The following SVIL variants were observed in gnomAD, a reference collection of about 807,000 sequenced individuals.
The protein encoded by SVIL is archvillin.
Under a neutral mutation model 240.4 loss-of-function variants are expected in SVIL, and 101 were observed. The ratio of observed to expected loss-of-function variants is 0.42; its 90% CI spans 0.36 to 0.50. SVIL has a LOEUF of 0.50. Ranked by LOEUF, SVIL falls within the 20% of genes least tolerant of loss-of-function variation. The probability of loss-of-function intolerance (pLI) is 0.01; values close to 1 mark genes in which losing one functional copy is unlikely to be tolerated. For missense variants in SVIL, 2,512 were observed against 2,818.7 expected, an observed-to-expected ratio of 0.89 and a Z score of 2.46; for synonymous variants, 999 against 1,100.0, an observed-to-expected ratio of 0.91 and a Z score of 1.82.
At chr10:29,699,666 G>C (rs1314201992) in intron 1 of SVIL, among the ~76,000 whole-genome samples, 1 of 152,146 alleles carries the variant, frequency 6.6e-6, no homozygotes, top group Non-Finnish European at 1.5e-5. Flanking sequence ...TCACAAAGAC[G>C]TTTTGCTTTT....
intron 1 of SVIL, among the ~76,000 whole-genome samples, chr10:29,589,383 G>A (rs1280709866): frequency 2.6e-5 from 4 of 152,208 alleles, no homozygotes; most frequent in East Asian, 1.9e-4. Context: ...GGAGGAGAGC[G>A]GCTCTGGGCC....
At chr10:29,526,291 C>A (rs1249643927) in intron 13 of SVIL, among the ~76,000 whole-genome samples, 1 of 143,224 alleles carries the variant, frequency 7.0e-6, no homozygotes, top group East Asian at 2.0e-4. Flanking sequence ...TTTTTTCTTT[C>A]TTTTTTTCTC....
chr10:29,461,325 C>A (rs957316042), intron 36 of SVIL, among the ~76,000 whole-genome samples: 3 of 152,228 alleles, frequency 2.0e-5, no homozygotes, highest in East Asian at 3.9e-4. Context: ...CATCTCGTTC[C>A]GGCTGCGGCA....
intron 1 of SVIL, among the ~76,000 whole-genome samples, chr10:29,606,321 A>G (rs1202920613): frequency 6.6e-6 from 1 of 152,230 alleles, no homozygotes; most frequent in Non-Finnish European, 1.5e-5. Flanking sequence ...CTGGGATTAC[A>G]GACACTGGCC....
At chr10:29,640,000 C>T (rs1958433327) in intron 3 of SVIL, among the ~76,000 whole-genome samples, 1 of 152,164 alleles carries the variant, frequency 6.6e-6, no homozygotes, top group African/African-American at 2.4e-5. Context: ...CTTTTCAGTT[C>T]GTTGACGAGG....
intron 1 of SVIL, among the ~76,000 whole-genome samples, chr10:29,691,373 G>T (rs11816332): frequency 6.6e-6 from 1 of 151,784 alleles, no homozygotes; most frequent in East Asian, 1.9e-4. Context: ...CACCACGCCC[G>T]GCTAATTTTT....
At chr10:29,637,381 G>A (rs570842414), upstream of SVIL, among the ~76,000 whole-genome samples, 3 of 152,078 alleles carry the variant, frequency 2.0e-5, no homozygotes, top group Non-Finnish European at 4.4e-5. Flanking sequence ...CAGTTACTAG[G>A]GAGGCTAAGG....
In SVIL at chr10:29,707,544, A is replaced by AT. The variant is rs1367504844; in HGVS notation, c.-399-20894dup. Among the ~76,000 whole-genome samples the AT allele has an allele frequency of 3.9e-5, 6 of 152,278 alleles. No individual in the cohort carries two copies. The East Asian group carries it at 1.2e-3, about 29-fold the overall frequency. On this transcript the variant is annotated intron_variant, in intron 1 of 35. Coordinates refer to the SVIL transcript ENST00000375400. ...TGCCATTAATTTGCCCTTAAACCAA[A>AT]TTTCTATTAATTCCTACATCTGCTT...
Position 29,458,044 on chromosome 10 carries a change from G to A in SVIL, c.*203C>T. The stretch of plus-strand genomic sequence containing the variant: ...TAATTCTGATAACCTCCTGAATGGT[G>A]GAAAGAAGTTTCCAAACAGTTCCCT... On this transcript the variant is annotated 3_prime_UTR_variant, in exon 38 of 38. Coordinates refer to ENST00000355867, the MANE Select transcript of SVIL (RefSeq NM_021738.3). 1 of 558,568 alleles carries A rather than the reference G, an allele frequency of 1.8e-6. No individual in the cohort carries two copies. Among genetic ancestry groups the A allele is most frequent in the South Asian group, 2.6e-5 (1 of 38,320 alleles). The allele number at this position is 558,568 out of a possible 1,614,324, so 34.6% of individuals were successfully genotyped here. A position where few individuals can be genotyped will look rare whatever the true frequency, so the allele number is the denominator to read the frequency against.
At chr10:29,463,344 G>T in intron 35 of SVIL, 148 bp downstream of exon 35, 1 of 1,048,070 alleles carries the variant, frequency 9.5e-7, no homozygotes, top group Non-Finnish European at 1.3e-6. Flanking sequence ...AGTTAAAGGG[G>T]AAAAAATTGG....
At chr10:29,619,930 T>C (rs1957568985) in intron 1 of SVIL, among the ~76,000 whole-genome samples, 1 of 152,218 alleles carries the variant, frequency 6.6e-6, no homozygotes, top group African/African-American at 2.4e-5. Context: ...CACATACATG[T>C]ATAATACATA....
intron 1 of SVIL, among the ~76,000 whole-genome samples, chr10:29,690,392 G>A (rs79137914): frequency 0.015 from 2,307 of 151,958 alleles, 43 homozygotes; most frequent in East Asian, 0.095. Context: ...ACCTTAAATG[G>A]CCTTTTTTCT....
At chr10:29,634,137 G>A (rs1476681178) in intron 1 of SVIL, among the ~76,000 whole-genome samples, 2 of 151,452 alleles carry the variant, frequency 1.3e-5, no homozygotes, top group Non-Finnish European at 2.9e-5. Context: ...AATGTACTAA[G>A]TTATATTAAT....
intron 1 of SVIL, among the ~76,000 whole-genome samples, chr10:29,717,232 CAAAAAAAAAAAAAAAAAAAAAA>C (rs71023503): frequency 2.6e-5 from 1 of 38,298 alleles, no homozygotes; most frequent in Non-Finnish European, 4.6e-5. Flanking sequence ...GACTCTCTCT[CAAAAAAAAAAAAAAAAAAAAAA>C]AAAAAAAAAA....
chr10:29,720,068 C>T (rs1051153659), intron 1 of SVIL, among the ~76,000 whole-genome samples: 3 of 152,132 alleles, frequency 2.0e-5, no homozygotes, highest in Non-Finnish European at 4.4e-5. Flanking sequence ...AGCAGCTGGG[C>T]GTGGTGGCAT....
chr10:29,536,128 G>T, intron 6 of SVIL, 59 bp from the exon 7 acceptor site: 10 of 1,498,556 alleles, frequency 6.7e-6, no homozygotes, highest in South Asian at 1.1e-5. Context: ...CATATACACA[G>T]ACTTTACCAT....
Position 29,532,186 on chromosome 10 carries a change from A to C in SVIL, c.1839-14T>G, listed in dbSNP as rs1268433129. 2 of 1,612,828 alleles carry C rather than the reference A, an allele frequency of 1.2e-6. No individual in the cohort carries two copies. ...ACCCGTGATTTGCTTTGAGAATCAA[A>C]GGGCAGAGAGTATAAGGAAGGCAAA... On this transcript the variant is annotated splice_polypyrimidine_tract_variant and intron_variant, in intron 8 of 37. Transcript: ENST00000355867.
chr10:29,607,357 T>A (rs1031044037), intron 1 of SVIL, among the ~76,000 whole-genome samples: 1 of 152,238 alleles, frequency 6.6e-6, no homozygotes, highest in African/African-American at 2.4e-5. Flanking sequence ...TTTGTCCATG[T>A]GAACTTCGGA....
intron 5 of SVIL, 30 bp downstream of exon 5, chr10:29,554,753 G>A (rs1399670208): frequency 1.3e-6 from 2 of 1,508,486 alleles, no homozygotes; most frequent in East Asian, 2.3e-5. Flanking sequence ...GCAGCCTGCT[G>A]GAAAATGGGC....
Sources: allele counts gnomAD v4.1 joint callset (sites outside exome capture counted in the v4.1 genomes callset), GRCh38; gene constraint gnomAD v4.1.1; transcripts MANE v1.5; gene names NCBI Gene and HGNC (gene_info 2026-07-23, HGNC 2026-07-21).